FAM174A: variants seen among roughly 807,000 people sequenced by gnomAD.
The protein encoded by FAM174A is family with sequence similarity 174 member A.
In FAM174A, 14 loss-of-function variants were observed where a neutral mutation model predicts 14.3. The observed-to-expected ratio is 0.98, with a 90% CI of 0.65 to 1.53. The LOEUF (loss-of-function observed/expected upper bound fraction) is 1.53. FAM174A is among the 40% of genes most tolerant of loss of function. The pLI is 0.00. For missense variants in FAM174A, 241 were observed against 249.6 expected, an observed-to-expected ratio of 0.97 and a Z score of 0.23; for synonymous variants, 108 against 111.4, an observed-to-expected ratio of 0.97 and a Z score of 0.19.
At chr5:100,571,658 CTAAGTGTGTGTGTGTATATA>C (rs1482826960) in intron 2 of FAM174A, among the ~76,000 whole-genome samples, 1 of 121,446 alleles carries the variant, frequency 8.2e-6, no homozygotes, top group East Asian at 2.0e-4. Context: ...AAGTATATAC[CTAAGTGTGTGTGTGTATATA>C]TATATATATA....
intron 2 of FAM174A, among the ~76,000 whole-genome samples, chr5:100,567,288 A>C (rs1746674500): frequency 6.6e-6 from 1 of 151,600 alleles, no homozygotes; most frequent in Non-Finnish European, 1.5e-5. Flanking sequence ...AATTTATCTA[A>C]CAAATGAATG....
At chr5:100,538,174 C>T (rs1400514402) in intron 1 of FAM174A, among the ~76,000 whole-genome samples, 1 of 152,122 alleles carries the variant, frequency 6.6e-6, no homozygotes, top group East Asian at 1.9e-4. Flanking sequence ...GTTCCGAACT[C>T]ATACTTTTTG....
chr5:100,580,230 A>T (rs977823460), intron 2 of FAM174A, among the ~76,000 whole-genome samples: 5 of 151,996 alleles, frequency 3.3e-5, no homozygotes, highest in African/African-American at 1.2e-4. Context: ...CAATTGAAAG[A>T]TGCATCTGAA....
At chr5:100,576,536 C>T (rs898293310) in intron 2 of FAM174A, among the ~76,000 whole-genome samples, 1 of 151,962 alleles carries the variant, frequency 6.6e-6, no homozygotes, top group South Asian at 2.1e-4. Flanking sequence ...ATTTTTTTCA[C>T]ATCATTGTCC....
chr5:100,541,240 G>T (rs544903899), intron 1 of FAM174A, among the ~76,000 whole-genome samples: 1 of 152,260 alleles, frequency 6.6e-6, no homozygotes, highest in Non-Finnish European at 1.5e-5. Context: ...ACTGCTTTTT[G>T]TGGTAATAAA....
In FAM174A at chr5:100,543,075, C is replaced by G. The variant is rs114654841; in HGVS notation, c.434+7111C>G. ...CACTACTGCACTCCACCTTTCATGA[C>G]AGAGCAAGACCTTGTCTCAAACAAA... is the stretch of plus-strand genomic sequence containing the variant. On this transcript the variant is annotated intron_variant, in intron 1 of 2. Transcript: ENST00000312637. Among the ~76,000 whole-genome samples, 602 of 152,178 alleles carry G rather than the reference C, an allele frequency of 4.0e-3. 4 individuals carry two copies. The highest frequency in any genetic ancestry group is 0.014 in the African/African-American group (588 of 41,504).
chr5:100,538,049 T>A (rs1056743657), intron 1 of FAM174A, among the ~76,000 whole-genome samples: 96 of 152,202 alleles, frequency 6.3e-4, no homozygotes, highest in African/African-American at 2.2e-3. Flanking sequence ...GAACTATGGC[T>A]AATAAAAAGT....
intron 2 of FAM174A, among the ~76,000 whole-genome samples, chr5:100,567,455 C>T (rs947220556): frequency 1.3e-5 from 2 of 151,734 alleles, no homozygotes; most frequent in South Asian, 4.1e-4. Flanking sequence ...TATTTTTCAT[C>T]TTCAGTTTTC....
intron 1 of FAM174A, among the ~76,000 whole-genome samples, chr5:100,558,628 TG>T (rs1171163634): frequency 6.6e-6 from 1 of 152,194 alleles, no homozygotes; most frequent in Non-Finnish European, 1.5e-5. Flanking sequence ...GGTCCTGTAT[TG>T]GGTGCATATA....
At chr5:100,539,988 C>T (rs71652143) in intron 1 of FAM174A, among the ~76,000 whole-genome samples, 11 of 152,106 alleles carry the variant, frequency 7.2e-5, no homozygotes, top group Admixed American at 7.2e-4. Flanking sequence ...TGCATTCCTT[C>T]CCTCATCCAA....
At chr5:100,563,074 A>G (rs1746560960) in intron 2 of FAM174A, among the ~76,000 whole-genome samples, 1 of 151,872 alleles carries the variant, frequency 6.6e-6, no homozygotes, top group South Asian at 2.1e-4. Context: ...ATTTATATCT[A>G]TATATGTCTA....
intron 2 of FAM174A, among the ~76,000 whole-genome samples, chr5:100,564,809 A>G (rs1021433232): frequency 6.6e-6 from 1 of 151,950 alleles, no homozygotes; most frequent in Non-Finnish European, 1.5e-5. Flanking sequence ...CATACAATCT[A>G]TGAAACTTGA....
chr5:100,571,672 G>GTATATATATA lies in FAM174A; in HGVS notation c.569+9495_569+9504dup, dbSNP rs529767869. 2.4e-3 allele frequency among the ~76,000 whole-genome samples: 330 copies of GTATATATATA among 136,580 alleles called. 1 individual carries two copies. Among genetic ancestry groups the GTATATATATA allele is most frequent in the Admixed American group, 5.6e-3 (74 of 13,220 alleles). The allele number at this position is 136,580 out of a possible 152,430, so 89.6% of individuals were successfully genotyped here. ...AAAGTATATACCTAAGTGTGTGTGTGTATATATATATATATATATACACAC... is the reference window on the plus strand; with the variant it reads ...AAAGTATATACCTAAGTGTGTGTGTGTATATATATATATATATATATATATATATACACAC... On this transcript the variant is annotated intron_variant, in intron 2 of 2. Coordinates refer to ENST00000312637, the MANE Select transcript of FAM174A (RefSeq NM_198507.3).
At chr5:100,555,566 T>C (rs1234883836) in intron 1 of FAM174A, among the ~76,000 whole-genome samples, 1 of 151,996 alleles carries the variant, frequency 6.6e-6, no homozygotes, top group Non-Finnish European at 1.5e-5. Context: ...GTGTTCCTAT[T>C]TCTCCACATC....
At chr5:100,570,854 T>G (rs1746763658) in intron 2 of FAM174A, among the ~76,000 whole-genome samples, 1 of 151,998 alleles carries the variant, frequency 6.6e-6, no homozygotes, top group South Asian at 2.1e-4. Flanking sequence ...TTAGCATAAG[T>G]AAATTTCTTA....
At chr5:100,547,632 G>T (rs1302381984) in intron 1 of FAM174A, among the ~76,000 whole-genome samples, 1 of 152,046 alleles carries the variant, frequency 6.6e-6, no homozygotes, top group Non-Finnish European at 1.5e-5. Flanking sequence ...CATTTGATTG[G>T]TTTATTCAAA....
intron 1 of FAM174A, among the ~76,000 whole-genome samples, chr5:100,555,070 C>G (rs866552740): frequency 5.3e-5 from 8 of 151,780 alleles, no homozygotes; most frequent in African/African-American, 1.9e-4. Context: ...TAATGCTATC[C>G]CTCCCCCCTA....
chr5:100,549,197 A>G (rs751146553), intron 1 of FAM174A, among the ~76,000 whole-genome samples: 4 of 152,114 alleles, frequency 2.6e-5, no homozygotes, highest in African/African-American at 4.8e-5. Context: ...AGAGGCTACA[A>G]AGGATGAATC....
At chr5:100,582,716 A>G (rs917099127) in intron 2 of FAM174A, among the ~76,000 whole-genome samples, 1 of 152,158 alleles carries the variant, frequency 6.6e-6, no homozygotes, top group Non-Finnish European at 1.5e-5. Flanking sequence ...TGTCTTTAGT[A>G]TGGATAATTT....
Sources: allele counts gnomAD v4.1 joint callset (sites outside exome capture counted in the v4.1 genomes callset), GRCh38; gene constraint gnomAD v4.1.1; transcripts MANE v1.5; gene names NCBI Gene and HGNC (gene_info 2026-07-23, HGNC 2026-07-21).